Variants in TEX14 observed in about 807,000 individuals in gnomAD.
The protein encoded by TEX14 is testis expressed 14, intercellular bridge forming factor.
A neutral mutation model predicts 178.6 loss-of-function variants in TEX14; 168 were observed. The ratio of observed to expected loss-of-function variants is 0.94; its 90% CI spans 0.83 to 1.07. The LOEUF (loss-of-function observed/expected upper bound fraction) is 1.07. Ranked by LOEUF, TEX14 falls within the 50% of genes least tolerant of loss-of-function variation. The pLI, the probability that TEX14 is intolerant of heterozygous loss-of-function variation, is 0.00. For missense variants in TEX14, 1,730 were observed against 1,753.6 expected, an observed-to-expected ratio of 0.99 and a Z score of 0.24; for synonymous variants, 626 against 634.1, an observed-to-expected ratio of 0.99 and a Z score of 0.19.
At chr17:58,575,161 C>T (rs558782448) in intron 21 of TEX14, among the ~76,000 whole-genome samples, 1 of 147,360 alleles carries the variant, frequency 6.8e-6, no homozygotes, top group East Asian at 2.0e-4. Context: ...GTTGCCCAGG[C>T]TGGAGTGCAA....
intron 1 of TEX14, among the ~76,000 whole-genome samples, chr17:58,653,986 C>T (rs887021451): frequency 1.3e-5 from 2 of 151,858 alleles, no homozygotes; most frequent in East Asian, 1.9e-4. Context: ...TTGAGACCAT[C>T]CTGTGAATAG....
intron 10 of TEX14, among the ~76,000 whole-genome samples, chr17:58,605,417 T>C (rs2045583504): frequency 6.6e-6 from 1 of 152,168 alleles, no homozygotes; most frequent in Non-Finnish European, 1.5e-5. Flanking sequence ...TCGTGGGTCT[T>C]TTAATCAACA....
intron 15 of TEX14, among the ~76,000 whole-genome samples, chr17:58,589,305 G>A (rs1387539696): frequency 1.3e-5 from 2 of 151,642 alleles, no homozygotes; most frequent in African/African-American, 2.4e-5. Flanking sequence ...GTTCATGCCT[G>A]TAATCCCAGC....
intron 16 of TEX14, 27 bp downstream of exon 16, chr17:58,587,869 C>A: frequency 6.4e-7 from 1 of 1,560,600 alleles, no homozygotes; most frequent in Non-Finnish European, 8.8e-7. Context: ...GCTCCACCAC[C>A]AGTTTCCAGC....
intron 28 of TEX14, among the ~76,000 whole-genome samples, chr17:58,562,749 G>A (rs2044297880): frequency 6.6e-6 from 1 of 150,706 alleles, no homozygotes; most frequent in African/African-American, 2.4e-5. Context: ...GGCTTCAAGT[G>A]ATCCACCCAC....
At chr17:58,635,054 C>A (rs1743002089) in intron 2 of TEX14, among the ~76,000 whole-genome samples, 1 of 151,964 alleles carries the variant, frequency 6.6e-6, no homozygotes, top group Non-Finnish European at 1.5e-5. Context: ...ATTGCTGGAA[C>A]CCGGAAGGTG....
intron 2 of TEX14, among the ~76,000 whole-genome samples, chr17:58,630,953 A>T (rs575328009): frequency 6.6e-6 from 1 of 152,314 alleles, no homozygotes; most frequent in Admixed American, 6.5e-5. Flanking sequence ...AAGTGTAAAG[A>T]CTAATTCGAC....
chr17:58,616,722 C>T (rs188731954), intron 6 of TEX14, among the ~76,000 whole-genome samples: 3 of 152,312 alleles, frequency 2.0e-5, no homozygotes, highest in Admixed American at 6.5e-5. Flanking sequence ...CCAGGCCTCA[C>T]CACAACTCTT....
chr17:58,571,932 G>A lies in TEX14; in HGVS notation c.3706C>T (p.Leu1236=). The change falls in exon 24 of 32, where the codon CTG becomes TTG. Residue 1236 remains leucine (L), a synonymous_variant. Transcript: ENST00000349033. ...LTSSETPPSR[L]TGLKRLSSFI... ...ATTGATATACTTACAAGACCAGTCAGTCTTGAAGGGGGAGTTTCAGAGGAA... is the reference window on the plus strand; with the variant it reads ...ATTGATATACTTACAAGACCAGTCAATCTTGAAGGGGGAGTTTCAGAGGAA... The A allele has an allele frequency of 6.2e-7, 1 of 1,613,938 alleles. No individual in the cohort carries two copies. The highest frequency in any genetic ancestry group is 8.5e-7 in the Non-Finnish European group (1 of 1,179,930).
At chr17:58,634,497 A>G (rs1263620627) in intron 2 of TEX14, among the ~76,000 whole-genome samples, 3 of 152,174 alleles carry the variant, frequency 2.0e-5, no homozygotes, top group Non-Finnish European at 4.4e-5. Context: ...CTTACTGCTC[A>G]GGGCTTGCTG....
rs753838336 is a variant in TEX14 at position 58,587,550 on chromosome 17, T to G, written c.2788+31A>C. The G allele has an allele frequency of 2.3e-6, 3 of 1,290,980 alleles. No individual in the cohort carries two copies. In the Admixed American group the frequency reaches 6.0e-5, roughly 26 times the overall value. The allele number at this position is 1,290,980 out of a possible 1,614,324, so 80.0% of individuals were successfully genotyped here. A position where few individuals can be genotyped will look rare whatever the true frequency, so the allele number is the denominator to read the frequency against. ...TAGAAATATACTTTAAATTTCATTT[T>G]GTCTAATAAAACCCATGACTTTATA... On this transcript the variant is annotated intron_variant, in intron 17 of 31. Coordinates refer to ENST00000349033, the MANE Select transcript of TEX14 (RefSeq NM_031272.5).
At chr17:58,661,025 C>A in intron 1 of TEX14, 1 of 1,150,318 alleles carries the variant, frequency 8.7e-7, no homozygotes, top group Non-Finnish European at 1.3e-6. Context: ...ATAATATTCA[C>A]GAACACGCTC....
intron 1 of TEX14, among the ~76,000 whole-genome samples, chr17:58,670,344 ATG>A (rs1306369229): frequency 1.3e-5 from 2 of 151,770 alleles, no homozygotes; most frequent in Non-Finnish European, 2.9e-5. Context: ...TATCTATAGG[ATG>A]TGTGTGTGTA....
chr17:58,652,064 A>G, intron 1 of TEX14, 62 bp from the exon 2 acceptor site: 2 of 1,372,246 alleles, frequency 1.5e-6, no homozygotes, highest in Non-Finnish European at 1.9e-6. Flanking sequence ...GAAACAACTT[A>G]ATTCTTTTAC....
intron 3 of TEX14, among the ~76,000 whole-genome samples, chr17:58,625,094 T>C (rs984551244): frequency 6.6e-6 from 1 of 152,030 alleles, no homozygotes; most frequent in Non-Finnish European, 1.5e-5. Context: ...AACAGCTTTG[T>C]ATAATGTCTT....
Position 58,569,297 on chromosome 17 carries a change from A to G in TEX14, c.3818-37T>C. ...AAAAGACAAAAGGGAAAATGTCTTA[A>G]CACCCTCCTGGACCTGAACTGAATT... On this transcript the variant is annotated intron_variant, in intron 25 of 31. Coordinates refer to ENST00000349033, the MANE Select transcript of TEX14 (RefSeq NM_031272.5). This position sits in a 1 kb window ranked among gnomAD's most constrained non-coding sequence, Gnocchi z 4.1. 1 of 1,557,642 alleles carries G rather than the reference A, an allele frequency of 6.4e-7. No homozygotes were observed. The highest frequency in any genetic ancestry group is 8.9e-7 in the Non-Finnish European group (1 of 1,129,246).
intron 28 of TEX14, 85 bp downstream of exon 28, chr17:58,564,782 CTT>C: frequency 1.3e-6 from 1 of 763,080 alleles, no homozygotes; most frequent in Non-Finnish European, 2.0e-6. Flanking sequence ...CACTTTTTTT[CTT>C]TCTTATTTGT....
Position 58,623,224 on chromosome 17 carries a change from T to G in TEX14, c.252-212A>C, listed in dbSNP as rs575687154. 3.3e-5 allele frequency among the ~76,000 whole-genome samples: 5 copies of G among 151,968 alleles called. No individual in the cohort carries two copies. In the East Asian group the frequency reaches 9.7e-4, roughly 29 times the overall value. ...CACACACACACACAATCCCTTTTTT[T>G]CCCTCCTTCACTCAACCCTTCAAGG... On this transcript the variant is annotated intron_variant, in intron 3 of 31. Transcript: ENST00000349033.
At chr17:58,689,287 T>C (rs1476228475) in intron 1 of TEX14, among the ~76,000 whole-genome samples, 2 of 151,100 alleles carry the variant, frequency 1.3e-5, no homozygotes, top group East Asian at 3.9e-4. Flanking sequence ...AGTGGCCTGA[T>C]CTCACTCACT....
Sources: allele counts gnomAD v4.1 joint callset (sites outside exome capture counted in the v4.1 genomes callset), GRCh38; gene constraint gnomAD v4.1.1; non-coding constraint Gnocchi (gnomAD v3.1); transcripts MANE v1.5; gene names NCBI Gene and HGNC (gene_info 2026-07-23, HGNC 2026-07-21).